SEMA3E: variants seen among roughly 807,000 people sequenced by gnomAD.
The protein encoded by SEMA3E is semaphorin 3E.
SEMA3E carries 49 observed loss-of-function variants against 93.6 expected under a neutral mutation model. The observed-to-expected ratio is 0.52, with a 90% CI of 0.42 to 0.66. SEMA3E has a LOEUF of 0.66. SEMA3E is among the 30% of genes least tolerant of loss of function. SEMA3E has a pLI of 0.00. For missense variants in SEMA3E, 906 were observed against 964.8 expected, an observed-to-expected ratio of 0.94 and a Z score of 0.81; for synonymous variants, 363 against 330.7, an observed-to-expected ratio of 1.10 and a Z score of -1.06.
intron 1 of SEMA3E, among the ~76,000 whole-genome samples, chr7:83,592,376 C>T (rs1584351581): frequency 6.6e-6 from 1 of 151,804 alleles, no homozygotes. Context: ...AAATTATTTC[C>T]AGGTTTAAAG....
At chr7:83,595,861 TTTTTTC>T (rs1163544566) in intron 1 of SEMA3E, among the ~76,000 whole-genome samples, 3 of 152,074 alleles carry the variant, frequency 2.0e-5, no homozygotes, top group Non-Finnish European at 4.4e-5. Context: ...CTGAAAAGGT[TTTTTTC>T]TTTGTAATTA....
rs144411963 is a variant in SEMA3E, at chr7:83,577,004, T to C, written c.115+71424A>G. On this transcript the variant is annotated intron_variant, in intron 1 of 16. Transcript: ENST00000643230. The stretch of plus-strand genomic sequence containing the variant: ...GTGGTAATAAGTTTGCTTTATATCA[T>C]TTCAATATTTGTAAATTGGATTCAA... Among the ~76,000 whole-genome samples, 9 of 152,334 alleles carry C rather than the reference T, an allele frequency of 5.9e-5. No homozygotes were observed. The East Asian group carries it at 1.7e-3, about 29-fold the overall frequency.
chr7:83,573,712 A>G (rs1442016056), intron 1 of SEMA3E, among the ~76,000 whole-genome samples: 1 of 152,092 alleles, frequency 6.6e-6, no homozygotes, highest in Non-Finnish European at 1.5e-5. Flanking sequence ...TTTTTAGGGT[A>G]ACTACTAATC....
intron 1 of SEMA3E, among the ~76,000 whole-genome samples, chr7:83,512,945 A>G (rs1790854805): frequency 1.3e-5 from 2 of 152,228 alleles, no homozygotes; most frequent in Admixed American, 6.5e-5. Context: ...GTAATGCCAT[A>G]CATTACTAAA....
intron 1 of SEMA3E, among the ~76,000 whole-genome samples, chr7:83,522,920 G>A (rs17157704): frequency 0.35 from 53,234 of 151,782 alleles, 10,885 homozygotes; most frequent in Non-Finnish European, 0.44. Flanking sequence ...TGTTACTCTC[G>A]TAAGCCCCTA....
At chr7:83,508,485 C>T (rs1389843120) in intron 1 of SEMA3E, among the ~76,000 whole-genome samples, 2 of 152,102 alleles carry the variant, frequency 1.3e-5, no homozygotes, top group African/African-American at 4.8e-5. Context: ...TGGTCTCGAA[C>T]TCCCAACCTC....
chr7:83,412,703 A>G (rs1402109180), intron 5 of SEMA3E, among the ~76,000 whole-genome samples: 1 of 151,478 alleles, frequency 6.6e-6, no homozygotes, highest in East Asian at 1.9e-4. Context: ...TAGAGGCTGC[A>G]GTGAACTATG....
chr7:83,626,547 G>A lies in SEMA3E; in HGVS notation c.115+21881C>T, dbSNP rs376905081. On this transcript the variant is annotated intron_variant, in intron 1 of 16. Transcript: ENST00000643230. ...AGTTTGTATTTCTGTAAGATCAGCA[G>A]TGATATCCCCTTTATCGTTTTTTAT... 1.3e-5 allele frequency among the ~76,000 whole-genome samples: 2 copies of A among 152,242 alleles called. 1 individual carries two copies.
chr7:83,450,769 C>A (rs975377979), intron 4 of SEMA3E, among the ~76,000 whole-genome samples: 1 of 151,976 alleles, frequency 6.6e-6, no homozygotes, highest in South Asian at 2.1e-4. Flanking sequence ...GTGTACTTAA[C>A]GAATGTCTCT....
chr7:83,404,188 A>C (rs1788284416), intron 9 of SEMA3E, among the ~76,000 whole-genome samples: 1 of 151,932 alleles, frequency 6.6e-6, no homozygotes, highest in East Asian at 1.9e-4. Context: ...ATCTACATTA[A>C]CTATTTTTCT....
At chr7:83,562,884 G>GC (rs1386977213) in intron 1 of SEMA3E, among the ~76,000 whole-genome samples, 1 of 152,108 alleles carries the variant, frequency 6.6e-6, no homozygotes, top group Non-Finnish European at 1.5e-5. Flanking sequence ...ACAAAATAAA[G>GC]CTACCTTCAG....
chr7:83,612,764 A>G (rs1793290953), intron 1 of SEMA3E: 1 of 152,156 alleles, frequency 6.6e-6, no homozygotes, highest in African/African-American at 2.4e-5. Flanking sequence ...GCCCTTGGGA[A>G]AAAGCCCTTT....
chr7:83,500,479 G>A (rs377246734), intron 1 of SEMA3E, among the ~76,000 whole-genome samples: 2 of 151,698 alleles, frequency 1.3e-5, no homozygotes, highest in Admixed American at 6.6e-5. Context: ...ACTTAAAGGA[G>A]GGGAGAGAAT....
chr7:83,482,564 C>CAAAAAAAAAAAAAAAAAAA (rs11429680), intron 2 of SEMA3E, among the ~76,000 whole-genome samples: 2 of 80,236 alleles, frequency 2.5e-5, no homozygotes, highest in African/African-American at 1.2e-4. Flanking sequence ...CACTCCGTCT[C>CAAAAAAAAAAAAAAAAAAA]AAAAAAAAAA....
chr7:83,620,993 A>C lies in SEMA3E; in HGVS notation c.115+27435T>G, dbSNP rs528650327. Among the ~76,000 whole-genome samples the C allele has an allele frequency of 5.9e-5, 9 of 152,300 alleles. No homozygotes were observed. In the South Asian group the frequency reaches 1.9e-3, roughly 32 times the overall value. On this transcript the variant is annotated intron_variant, in intron 1 of 16. Transcript: ENST00000643230. Reference sequence around the variant, plus strand: ...CAACATAGCATTGGAAGTTCTGGCCAGGGAAATCAGGGAACATAAAGAAAT... The same window carrying C: ...CAACATAGCATTGGAAGTTCTGGCCCGGGAAATCAGGGAACATAAAGAAAT...
chr7:83,569,640 G>T (rs1383901426), intron 1 of SEMA3E, among the ~76,000 whole-genome samples: 1 of 152,102 alleles, frequency 6.6e-6, no homozygotes, highest in African/African-American at 2.4e-5. Flanking sequence ...TAACAAAAAA[G>T]GTCATTGCAT....
intron 1 of SEMA3E, among the ~76,000 whole-genome samples, chr7:83,588,935 T>C (rs1792691962): frequency 6.6e-6 from 1 of 152,160 alleles, no homozygotes; most frequent in African/African-American, 2.4e-5. Context: ...TGAAAAGCTC[T>C]TGAGTCTCTG....
intron 7 of SEMA3E, 92 bp downstream of exon 7, chr7:83,407,005 A>G: frequency 6.8e-7 from 1 of 1,476,548 alleles, no homozygotes; most frequent in Non-Finnish European, 9.4e-7. Flanking sequence ...GAATACTAGA[A>G]AATATTTAAA....
intron 16 of SEMA3E, chr7:83,372,548 G>T: frequency 3.4e-6 from 1 of 295,742 alleles, no homozygotes; most frequent in East Asian, 5.4e-5. Context: ...TAAAAAAGCA[G>T]GGTTTAAAAA....
Sources: gnomAD v4.1 joint callset for allele counts (sites outside exome capture counted in the v4.1 genomes callset) on GRCh38, gnomAD v4.1.1 for gene constraint, MANE v1.5 for transcripts, NCBI Gene and HGNC (gene_info 2026-07-23, HGNC 2026-07-21) for gene names.